Variants in NEGR1 observed in about 807,000 individuals in gnomAD.
NEGR1 encodes the protein neuronal growth regulator 1.
Under a neutral mutation model 40.9 loss-of-function variants are expected in NEGR1, and 10 were observed. That is an observed-to-expected ratio of 0.24 (90% CI 0.15 to 0.42). The LOEUF (loss-of-function observed/expected upper bound fraction) is 0.42. Ranked by LOEUF, NEGR1 falls within the 10% of genes least tolerant of loss-of-function variation. The pLI, the probability that NEGR1 is intolerant of heterozygous loss-of-function variation, is 1.00. For missense variants in NEGR1, 352 were observed against 438.9 expected, an observed-to-expected ratio of 0.80 and a Z score of 1.77; for synonymous variants, 185 against 166.8, an observed-to-expected ratio of 1.11 and a Z score of -0.84.
chr1:71,660,947 A>G (rs1284030455), intron 4 of NEGR1, among the ~76,000 whole-genome samples: 13 of 152,096 alleles, frequency 8.5e-5, no homozygotes, highest in Non-Finnish European at 1.6e-4. Context: ...GAGAACATGC[A>G]GTGTTTGGTT....
chr1:72,053,690 C>T (rs1192897713), intron 1 of NEGR1, among the ~76,000 whole-genome samples: 1 of 151,216 alleles, frequency 6.6e-6, no homozygotes, highest in South Asian at 2.1e-4. Context: ...CTAACTTATA[C>T]AGATAAATTA....
intron 2 of NEGR1, among the ~76,000 whole-genome samples, chr1:71,816,578 A>G (rs886142712): frequency 1.3e-5 from 2 of 151,998 alleles, no homozygotes; most frequent in Non-Finnish European, 2.9e-5. Flanking sequence ...CAGCATGATA[A>G]ATACACACCC....
chr1:71,948,658 A>G (rs1215983753), intron 1 of NEGR1, among the ~76,000 whole-genome samples: 3 of 152,104 alleles, frequency 2.0e-5, no homozygotes, highest in African/African-American at 7.2e-5. Flanking sequence ...TTTCTTACAG[A>G]AAGTGCCAGA....
At chr1:71,537,139 T>C (rs191527984) in intron 6 of NEGR1, among the ~76,000 whole-genome samples, 151 of 151,848 alleles carry the variant, frequency 9.9e-4, no homozygotes, top group Non-Finnish European at 1.8e-3. Flanking sequence ...ATGTTTTACA[T>C]ATATTAATTC....
chr1:71,958,752 G>A (rs1646138380), intron 1 of NEGR1, among the ~76,000 whole-genome samples: 1 of 152,048 alleles, frequency 6.6e-6, no homozygotes, highest in Non-Finnish European at 1.5e-5. Context: ...AGGAGTTTGA[G>A]ACCGGCCTGG....
intron 2 of NEGR1, among the ~76,000 whole-genome samples, chr1:71,839,124 AG>A (rs1659145033): frequency 6.6e-6 from 1 of 151,314 alleles, no homozygotes; most frequent in East Asian, 2.0e-4. Flanking sequence ...AGAAAGAACA[AG>A]GGGTCCCATG....
intron 1 of NEGR1, among the ~76,000 whole-genome samples, chr1:71,944,890 G>T (rs904235511): frequency 6.6e-6 from 1 of 152,196 alleles, no homozygotes; most frequent in African/African-American, 2.4e-5. Flanking sequence ...ACCCATATTT[G>T]TCTGTCTTCT....
chr1:71,840,950 G>T (rs1345145804), intron 2 of NEGR1, among the ~76,000 whole-genome samples: 2 of 152,106 alleles, frequency 1.3e-5, no homozygotes, highest in East Asian at 1.9e-4. Flanking sequence ...AGCAGCCTTT[G>T]GTCTTTAACT....
intron 1 of NEGR1, among the ~76,000 whole-genome samples, chr1:72,038,470 T>C (rs1486778881): frequency 6.6e-6 from 1 of 152,052 alleles, no homozygotes; most frequent in African/African-American, 2.4e-5. Flanking sequence ...GAAAGGTTAC[T>C]TAGCTGAGAT....
At chr1:71,844,605 C>G (rs903578217) in intron 2 of NEGR1, among the ~76,000 whole-genome samples, 2 of 152,118 alleles carry the variant, frequency 1.3e-5, no homozygotes, top group African/African-American at 4.8e-5. Context: ...CCCGTTTGCA[C>G]GTATTGAAAC....
chr1:72,182,259 C>A (rs796499847), intron 1 of NEGR1, among the ~76,000 whole-genome samples: 42 of 152,144 alleles, frequency 2.8e-4, no homozygotes, highest in African/African-American at 9.9e-4. Context: ...TTTGGGAGAC[C>A]GAGGCAGGCG....
In NEGR1 at chr1:72,203,527, T is replaced by A. The variant is rs1434650487; in HGVS notation, c.176+78792A>T. 2.0e-5 allele frequency among the ~76,000 whole-genome samples: 3 copies of A among 152,132 alleles called. No individual in the cohort carries two copies. In the East Asian group the frequency reaches 5.8e-4, roughly 29 times the overall value. On this transcript the variant is annotated intron_variant, in intron 1 of 6. Transcript: ENST00000357731. ...AGTGGTTTCTTGAGATGGAATCTAC[T>A]CCTGGTGATGATGTGTGAACATTAT... is the stretch of plus-strand genomic sequence containing the variant.
At chr1:71,769,586 G>T (rs377737190) in intron 3 of NEGR1, among the ~76,000 whole-genome samples, 19 of 152,092 alleles carry the variant, frequency 1.2e-4, no homozygotes, top group Non-Finnish European at 2.5e-4. Context: ...TTACTAGGGG[G>T]TTTTCCCCCA....
At chr1:71,547,868 G>T (rs759500307) in intron 6 of NEGR1, among the ~76,000 whole-genome samples, 1 of 151,680 alleles carries the variant, frequency 6.6e-6, no homozygotes, top group Non-Finnish European at 1.5e-5. Context: ...ATACAACTTT[G>T]CTCTGAATTA....
intron 1 of NEGR1, among the ~76,000 whole-genome samples, chr1:72,169,526 T>C (rs766854324): frequency 6.6e-6 from 1 of 152,200 alleles, no homozygotes; most frequent in Non-Finnish European, 1.5e-5. Flanking sequence ...GAATTAAGTA[T>C]ATTGTCTCCA....
chr1:71,696,434 TAA>T (rs1653476452), intron 4 of NEGR1, among the ~76,000 whole-genome samples: 1 of 151,740 alleles, frequency 6.6e-6, no homozygotes, highest in African/African-American at 2.4e-5. Context: ...TCTTGGAGTT[TAA>T]GAGGATTGCT....
At chr1:72,037,651 T>G (rs543620720) in intron 1 of NEGR1, among the ~76,000 whole-genome samples, 1 of 152,298 alleles carries the variant, frequency 6.6e-6, no homozygotes, top group Non-Finnish European at 1.5e-5. Flanking sequence ...TAAATAATTT[T>G]ATATTCAGAA....
At chr1:71,842,503 C>T (rs1376160541) in intron 2 of NEGR1, among the ~76,000 whole-genome samples, 2 of 152,102 alleles carry the variant, frequency 1.3e-5, no homozygotes, top group Non-Finnish European at 2.9e-5. Context: ...TTCTCTAAAT[C>T]TTTAAAATAT....
chr1:71,474,072 ATCAT>A (rs1173422391), intron 6 of NEGR1, among the ~76,000 whole-genome samples: 2 of 151,676 alleles, frequency 1.3e-5, no homozygotes, highest in African/African-American at 4.8e-5. Context: ...TAACACAACT[ATCAT>A]TCAAAAATCC....
Sources: allele counts gnomAD v4.1 joint callset (sites outside exome capture counted in the v4.1 genomes callset), GRCh38; gene constraint gnomAD v4.1.1; transcripts MANE v1.5; gene names NCBI Gene and HGNC (gene_info 2026-07-23, HGNC 2026-07-21).